The following INPP4B variants were observed in gnomAD, a reference collection of about 807,000 sequenced individuals.
The protein encoded by INPP4B is inositol polyphosphate 4-phosphatase type II.
Under a neutral mutation model 122.5 loss-of-function variants are expected in INPP4B, and 55 were observed. The ratio of observed to expected loss-of-function variants is 0.45; its 90% CI spans 0.36 to 0.56. The LOEUF (loss-of-function observed/expected upper bound fraction) is 0.56. INPP4B is among the 20% of genes least tolerant of loss of function. INPP4B has a pLI of 0.00. For synonymous variants in INPP4B, 403 were observed against 388.7 expected, an observed-to-expected ratio of 1.04 and a Z score of -0.43; for missense variants, 1,000 against 1,097.7, an observed-to-expected ratio of 0.91 and a Z score of 1.26.
At chr4:142,558,118 T>C (rs1353764292) in intron 2 of INPP4B, among the ~76,000 whole-genome samples, 1 of 152,242 alleles carries the variant, frequency 6.6e-6, no homozygotes, top group Non-Finnish European at 1.5e-5. Flanking sequence ...TTAAATTCTG[T>C]ACTGTACCTA....
At chr4:142,142,615 AAAGT>A (rs1348814909) in intron 18 of INPP4B, among the ~76,000 whole-genome samples, 3 of 152,222 alleles carry the variant, frequency 2.0e-5, no homozygotes, top group African/African-American at 4.8e-5. Context: ...GGGAAATAAG[AAAGT>A]AAGGGAGTAA....
intron 7 of INPP4B, among the ~76,000 whole-genome samples, chr4:142,398,644 AC>A (rs995591178): frequency 2.0e-5 from 3 of 151,632 alleles, no homozygotes; most frequent in Non-Finnish European, 4.4e-5. Flanking sequence ...TAAATGCAAA[AC>A]ATTATCTTAC....
At chr4:142,668,672 AC>A (rs1756506810) in intron 2 of INPP4B, among the ~76,000 whole-genome samples, 1 of 152,230 alleles carries the variant, frequency 6.6e-6, no homozygotes, top group African/African-American at 2.4e-5. Flanking sequence ...AAATCTACAT[AC>A]AAAAATTAGT....
chr4:142,161,506 T>C (rs1284959092), intron 16 of INPP4B, among the ~76,000 whole-genome samples: 1 of 151,934 alleles, frequency 6.6e-6, no homozygotes, highest in Non-Finnish European at 1.5e-5. Context: ...TAGCATTATA[T>C]TGAATAATAA....
chr4:142,784,849 T>G (rs1386643868), intron 1 of INPP4B, among the ~76,000 whole-genome samples: 2 of 152,104 alleles, frequency 1.3e-5, no homozygotes, highest in African/African-American at 4.8e-5. Context: ...TTATCTGACC[T>G]AAGAGCAGGG....
intron 1 of INPP4B, among the ~76,000 whole-genome samples, chr4:142,789,090 A>T (rs1334862381): frequency 6.6e-6 from 1 of 152,176 alleles, no homozygotes; most frequent in African/African-American, 2.4e-5. Context: ...ACCACAATGT[A>T]ATAAAAGCCA....
At chr4:142,467,273 G>A (rs1442317983) in intron 2 of INPP4B, among the ~76,000 whole-genome samples, 1 of 152,234 alleles carries the variant, frequency 6.6e-6, no homozygotes, top group African/African-American at 2.4e-5. Flanking sequence ...TAGGAGAGCA[G>A]CCGTGTGGAC....
chr4:142,578,611 G>A (rs1407475673), intron 2 of INPP4B, among the ~76,000 whole-genome samples: 1 of 151,732 alleles, frequency 6.6e-6, no homozygotes, highest in Non-Finnish European at 1.5e-5. Flanking sequence ...TTCTTATAAG[G>A]ACACGAGTCA....
At chr4:142,820,350 G>A (rs1188888312) in intron 1 of INPP4B, among the ~76,000 whole-genome samples, 1 of 151,964 alleles carries the variant, frequency 6.6e-6, no homozygotes, top group African/African-American at 2.4e-5. Context: ...AAAGAGCCTG[G>A]CACCTCCCTC....
At chr4:142,275,965 A>G (rs942278945) in intron 9 of INPP4B, among the ~76,000 whole-genome samples, 2 of 151,676 alleles carry the variant, frequency 1.3e-5, no homozygotes, top group Non-Finnish European at 3.0e-5. Context: ...CAAGCTTGAG[A>G]CCTAACCTTT....
chr4:142,596,486 C>T (rs1738718049), intron 2 of INPP4B, among the ~76,000 whole-genome samples: 1 of 152,124 alleles, frequency 6.6e-6, no homozygotes, highest in African/African-American at 2.4e-5. Context: ...AGTGACTGGG[C>T]CCAGGTAAGG....
Position 142,460,642 on chromosome 4 carries a change from T to G in INPP4B, c.-127+2021A>C, listed in dbSNP as rs114407067. Among the ~76,000 whole-genome samples, 679 of 152,292 alleles carry G rather than the reference T, an allele frequency of 4.5e-3. 5 individuals carry two copies. The highest frequency in any genetic ancestry group is 0.016 in the African/African-American group (652 of 41,570). On this transcript the variant is annotated intron_variant, in intron 3 of 25. Transcript: ENST00000262992. ...TAGTAATTAAAAAGCAGCTGTCTCT[T>G]GTCTTTCTGGTATGAAACAAGCCGT... is the stretch of plus-strand genomic sequence containing the variant.
At chr4:142,120,424 A>G (rs1796087721) in intron 21 of INPP4B, among the ~76,000 whole-genome samples, 1 of 152,116 alleles carries the variant, frequency 6.6e-6, no homozygotes, top group East Asian at 1.9e-4. Context: ...ATTATGGAGA[A>G]TTACTAAACA....
At chr4:142,302,897 C>G (rs1328793698) in intron 9 of INPP4B, among the ~76,000 whole-genome samples, 1 of 151,994 alleles carries the variant, frequency 6.6e-6, no homozygotes, top group African/African-American at 2.4e-5. Context: ...AAAGAGAACC[C>G]AAGTCCATTT....
intron 2 of INPP4B, among the ~76,000 whole-genome samples, chr4:142,676,820 C>T (rs565909880): frequency 2.1e-3 from 317 of 152,168 alleles, no homozygotes; most frequent in African/African-American, 7.0e-3. Flanking sequence ...CCCTTTCTTA[C>T]ACCTTATGCA....
rs1782477665 is a variant in INPP4B at position 142,353,234 on chromosome 4, C to T, written c.373-38472G>A. ...ATAGAGAGCGTGATAATATATTCCT[C>T]AGGAAAGTTTCAAGACTTTGAAAAC... On this transcript the variant is annotated intron_variant, in intron 7 of 25. Transcript: ENST00000262992. 2.6e-5 allele frequency among the ~76,000 whole-genome samples: 4 copies of T among 152,080 alleles called. No individual in the cohort carries two copies. In the South Asian group the frequency reaches 8.3e-4, roughly 31 times the overall value.
At chr4:142,464,302 T>C (rs1817309478) in intron 2 of INPP4B, among the ~76,000 whole-genome samples, 2 of 152,196 alleles carry the variant, frequency 1.3e-5, no homozygotes, top group Non-Finnish European at 2.9e-5. Flanking sequence ...AATGATTTCA[T>C]ATTATTTGGT....
chr4:142,842,781 GATATATAA>G (rs1028526796), intron 1 of INPP4B, among the ~76,000 whole-genome samples: 1 of 126,102 alleles, frequency 7.9e-6, no homozygotes, highest in African/African-American at 3.0e-5. Flanking sequence ...ATAATATACT[GATATATAA>G]ATATATAATT....
intron 2 of INPP4B, among the ~76,000 whole-genome samples, chr4:142,565,824 G>A (rs957500979): frequency 1.3e-5 from 2 of 152,200 alleles, no homozygotes; most frequent in African/African-American, 4.8e-5. Context: ...AAGAGTCTTC[G>A]GATAAGACAT....
Sources: allele counts gnomAD v4.1 joint callset (sites outside exome capture counted in the v4.1 genomes callset), GRCh38; gene constraint gnomAD v4.1.1; transcripts MANE v1.5; gene names NCBI Gene and HGNC (gene_info 2026-07-23, HGNC 2026-07-21).